SCLT1: variants seen among roughly 807,000 people sequenced by gnomAD.
SCLT1 encodes sodium channel-associated protein 1.
A neutral mutation model predicts 112.8 loss-of-function variants in SCLT1; 78 were observed. The observed-to-expected ratio is 0.69, with a 90% CI of 0.58 to 0.83. The LOEUF is 0.83. SCLT1 is among the 40% of genes least tolerant of loss of function. The pLI is 0.00. For missense variants in SCLT1, 747 were observed against 770.4 expected (o/e 0.97, Z 0.36); for synonymous variants, 257 against 254.7 (o/e 1.01, Z -0.09).
At chr4:129,053,486 C>A (rs967627898) in intron 2 of SCLT1, among the ~76,000 whole-genome samples, 6 of 146,944 alleles carry the variant, frequency 4.1e-5, no homozygotes, top group African/African-American at 1.3e-4. Flanking sequence ...TTATGTAATG[C>A]CCTTCTTTAT....
intron 1 of SCLT1, among the ~76,000 whole-genome samples, chr4:129,083,020 C>T (rs1459189328): frequency 2.0e-5 from 3 of 151,628 alleles, no homozygotes; most frequent in Admixed American, 1.3e-4. Flanking sequence ...GGTGAAACCC[C>T]ATCTCTACTA....
chr4:129,023,583 C>G (rs1225727217), intron 5 of SCLT1, among the ~76,000 whole-genome samples: 4 of 152,174 alleles, frequency 2.6e-5, no homozygotes, highest in African/African-American at 9.7e-5. Context: ...AGGAACAGCT[C>G]GGGTCTACAG....
chr4:128,884,642 C>T (rs778769592), intron 20 of SCLT1, 103 bp from the exon 21 acceptor site: 70 of 731,670 alleles, frequency 9.6e-5, no homozygotes, highest in Non-Finnish European at 1.2e-4. Flanking sequence ...CTGAAATGGT[C>T]TTATTGGAAA....
At chr4:128,897,880 C>G (rs990573009) in intron 18 of SCLT1, among the ~76,000 whole-genome samples, 1 of 152,038 alleles carries the variant, frequency 6.6e-6, no homozygotes, top group African/African-American at 2.4e-5. Context: ...ATCCTAGTCT[C>G]TGATAAAACA....
At chr4:129,008,858 T>C (rs1254894763) in intron 5 of SCLT1, among the ~76,000 whole-genome samples, 2 of 152,154 alleles carry the variant, frequency 1.3e-5, no homozygotes, top group African/African-American at 4.8e-5. Flanking sequence ...AGTTTCTCTC[T>C]ACATGTCCAT....
chr4:129,065,319 C>G (rs1394589953), intron 2 of SCLT1, among the ~76,000 whole-genome samples: 1 of 145,642 alleles, frequency 6.9e-6, no homozygotes, highest in East Asian at 2.0e-4. Context: ...TCATTTTGAA[C>G]CACATTGTTG....
intron 11 of SCLT1, among the ~76,000 whole-genome samples, chr4:128,962,721 C>G (rs1247707981): frequency 6.6e-6 from 1 of 152,148 alleles, no homozygotes; most frequent in Non-Finnish European, 1.5e-5. Flanking sequence ...ACCTCAGACC[C>G]CTTCCTTTTC....
chr4:128,935,796 C>T (rs1269582306), intron 18 of SCLT1, among the ~76,000 whole-genome samples: 1 of 152,106 alleles, frequency 6.6e-6, no homozygotes, highest in Non-Finnish European at 1.5e-5. Flanking sequence ...AGTCCTCACA[C>T]AGTTTCCATC....
intron 2 of SCLT1, among the ~76,000 whole-genome samples, chr4:129,057,556 GT>G (rs35509030): frequency 0.66 from 92,819 of 140,318 alleles, 33,300 homozygotes; most frequent in South Asian, 0.87. Flanking sequence ...TCCTGAGCTA[GT>G]TTTTTTTTTT....
chr4:129,049,072 C>T (rs1049540987), intron 2 of SCLT1, among the ~76,000 whole-genome samples: 2 of 151,938 alleles, frequency 1.3e-5, no homozygotes, highest in African/African-American at 2.4e-5. Flanking sequence ...GTCAGTGTGG[C>T]GATTCCTCAG....
chr4:129,087,670 C>T (rs1752507012), intron 1 of SCLT1, among the ~76,000 whole-genome samples: 1 of 147,694 alleles, frequency 6.8e-6, no homozygotes, highest in Non-Finnish European at 1.5e-5. Context: ...AGGTGGAGGG[C>T]TTCAGCCTAG....
chr4:129,080,092 T>C, intron 2 of SCLT1, among the ~76,000 whole-genome samples: 1 of 152,178 alleles, frequency 6.6e-6, no homozygotes, highest in East Asian at 1.9e-4. Context: ...CACAAAATCA[T>C]TCTTCCCTCC....
chr4:128,919,454 C>A (rs1220299839), intron 18 of SCLT1, among the ~76,000 whole-genome samples: 1 of 151,876 alleles, frequency 6.6e-6, no homozygotes, highest in East Asian at 1.9e-4. Flanking sequence ...TGCTAAACGC[C>A]CTCAAAAAGT....
chr4:129,016,027 T>C (rs896858917), intron 5 of SCLT1, among the ~76,000 whole-genome samples: 1 of 152,234 alleles, frequency 6.6e-6, no homozygotes. Flanking sequence ...TTGCACTTGA[T>C]TAATTATCTT....
chr4:128,990,169 A>G (rs1453962123), intron 9 of SCLT1, among the ~76,000 whole-genome samples: 4 of 152,150 alleles, frequency 2.6e-5, no homozygotes, highest in African/African-American at 9.6e-5. Context: ...ATAGGCCAAC[A>G]TCTCTGATGA....
rs187730666 is a variant in SCLT1 at position 129,002,299 on chromosome 4, A to G, written c.426+1442T>C. The stretch of plus-strand genomic sequence containing the variant: ...TGAAACATTTGGGATATAACACTGT[A>G]AATTTAAATACAATTCCCTTATGAA... On this transcript the variant is annotated intron_variant, in intron 6 of 20. Coordinates refer to ENST00000281142, the MANE Select transcript of SCLT1 (RefSeq NM_144643.4). 1.6e-3 allele frequency among the ~76,000 whole-genome samples: 239 copies of G among 152,164 alleles called. 1 individual carries two copies. Among genetic ancestry groups the G allele is most frequent in the African/African-American group, 5.5e-3 (230 of 41,576 alleles).
At chr4:128,949,892 A>G (rs1485120166) in intron 14 of SCLT1, among the ~76,000 whole-genome samples, 1 of 147,610 alleles carries the variant, frequency 6.8e-6, no homozygotes, top group Non-Finnish European at 1.5e-5. Context: ...GGAGGAACCC[A>G]CTTTGCTAAC....
intron 18 of SCLT1, among the ~76,000 whole-genome samples, chr4:128,918,488 A>G (rs1735638523): frequency 6.6e-6 from 1 of 152,238 alleles, no homozygotes; most frequent in African/African-American, 2.4e-5. Flanking sequence ...AAAAACAAAG[A>G]AAAAACAACA....
intron 5 of SCLT1, among the ~76,000 whole-genome samples, chr4:129,006,632 T>A (rs902450944): frequency 6.6e-6 from 1 of 152,072 alleles, no homozygotes; most frequent in Non-Finnish European, 1.5e-5. Flanking sequence ...GCTTGCAAGG[T>A]CATTTTTTTA....
Sources: allele counts gnomAD v4.1 joint callset (sites outside exome capture counted in the v4.1 genomes callset), GRCh38; gene constraint gnomAD v4.1.1; transcripts MANE v1.5; gene names NCBI Gene and HGNC (gene_info 2026-07-23, HGNC 2026-07-21).